The following LYN variants were observed in gnomAD, a reference collection of about 807,000 sequenced individuals.
The protein encoded by LYN is LYN proto-oncogene, Src family tyrosine kinase, also known as tyrosine-protein kinase Lyn.
In LYN, 12 loss-of-function variants were observed where a neutral mutation model predicts 65.0. The ratio of observed to expected loss-of-function variants is 0.18; its 90% confidence interval spans 0.12 to 0.30. The LOEUF (loss-of-function observed/expected upper bound fraction) is 0.30, where lower values mean the gene tolerates loss of function less well. LYN is among the 10% of genes least tolerant of loss of function. The pLI is 1.00. For synonymous variants in LYN, 222 were observed against 221.2 expected, an observed-to-expected ratio of 1.00 and a Z score of -0.03; for missense variants, 380 against 623.2, an observed-to-expected ratio of 0.61 and a Z score of 4.16.
intron 1 of LYN, among the ~76,000 whole-genome samples, chr8:55,911,363 C>G (rs1384375380): frequency 7.2e-6 from 1 of 138,390 alleles, no homozygotes; most frequent in Non-Finnish European, 1.5e-5. Flanking sequence ...CTCAAGTGAT[C>G]TGCCCACCTT....
chr8:55,909,269 A>G (rs1216341462), intron 1 of LYN, among the ~76,000 whole-genome samples: 1 of 152,012 alleles, frequency 6.6e-6, no homozygotes, highest in Non-Finnish European at 1.5e-5. Flanking sequence ...CCTGTTTCCC[A>G]GGAGGAGGGC....
intron 1 of LYN, among the ~76,000 whole-genome samples, chr8:55,890,903 AT>A (rs1804941107): frequency 6.6e-6 from 1 of 151,544 alleles, no homozygotes; most frequent in Non-Finnish European, 1.5e-5. Context: ...AGTTTTTTGT[AT>A]TTTTTGTAGA....
At chr8:55,983,073 C>T (rs868797276) in intron 10 of LYN, among the ~76,000 whole-genome samples, 14 of 152,230 alleles carry the variant, frequency 9.2e-5, no homozygotes, top group Middle Eastern at 3.4e-3. Flanking sequence ...CCCTCATGTC[C>T]ACACAACAGC....
At chr8:55,958,664 C>G (rs1319465622) in intron 8 of LYN, among the ~76,000 whole-genome samples, 3 of 152,202 alleles carry the variant, frequency 2.0e-5, no homozygotes, top group Non-Finnish European at 4.4e-5. Flanking sequence ...CTTTCTGTCT[C>G]TATGAATTTG....
chr8:55,946,195 G>A (rs1199089429), intron 2 of LYN, among the ~76,000 whole-genome samples: 1 of 152,184 alleles, frequency 6.6e-6, no homozygotes, highest in Admixed American at 6.5e-5. Flanking sequence ...CTAGGATGAG[G>A]TGAGCACCTG....
At chr8:55,912,540 A>G (rs1805666389) in intron 1 of LYN, among the ~76,000 whole-genome samples, 1 of 152,180 alleles carries the variant, frequency 6.6e-6, no homozygotes, top group African/African-American at 2.4e-5. Flanking sequence ...AGCCTGGCCA[A>G]CGTGGCGAAA....
chr8:55,909,734 C>T (rs1563505292), intron 1 of LYN, among the ~76,000 whole-genome samples: 1 of 152,118 alleles, frequency 6.6e-6, no homozygotes. Context: ...ATAAGCATTG[C>T]CTTTTGTCTG....
chr8:55,897,428 T>C (rs1554574247), intron 1 of LYN, among the ~76,000 whole-genome samples: 1 of 152,118 alleles, frequency 6.6e-6, no homozygotes, highest in Non-Finnish European at 1.5e-5. Context: ...ACTTTGCACA[T>C]GGTGGTTTCG....
intron 1 of LYN, among the ~76,000 whole-genome samples, chr8:55,939,676 C>T (rs939421215): frequency 6.6e-6 from 1 of 152,178 alleles, no homozygotes; most frequent in Non-Finnish European, 1.5e-5. Context: ...CCGGAGCTCG[C>T]GGCGTGCGCA....
chr8:55,946,558 T>C (rs1806784428), intron 3 of LYN, 65 bp downstream of exon 3: 2 of 992,820 alleles, frequency 2.0e-6, no homozygotes, highest in African/African-American at 3.3e-5. Flanking sequence ...TATAAAGTGA[T>C]TGTCCTAAAT....
At chr8:55,971,254 C>T (rs1008567735) in intron 10 of LYN, among the ~76,000 whole-genome samples, 1 of 152,172 alleles carries the variant, frequency 6.6e-6, no homozygotes, top group Non-Finnish European at 1.5e-5. Flanking sequence ...TATGCTGGCC[C>T]CTGGGAGGCT....
chr8:55,920,433 A>C (rs960145150), intron 1 of LYN, among the ~76,000 whole-genome samples: 1 of 152,180 alleles, frequency 6.6e-6, no homozygotes, highest in Non-Finnish European at 1.5e-5. Context: ...GTTTTGGAGG[A>C]CGGGGGCGGA....
intron 1 of LYN, among the ~76,000 whole-genome samples, chr8:55,921,481 T>C (rs913182538): frequency 8.9e-4 from 136 of 152,196 alleles, no homozygotes; most frequent in African/African-American, 3.0e-3. Flanking sequence ...ATAAGAGATG[T>C]CCTGGGGCTT....
intron 10 of LYN, among the ~76,000 whole-genome samples, chr8:55,989,757 C>T (rs1432574669): frequency 6.6e-6 from 1 of 152,182 alleles, no homozygotes; most frequent in Non-Finnish European, 1.5e-5. Flanking sequence ...ATGACACAGC[C>T]ACCAGAGATC....
At chr8:55,984,087 C>A (rs1328138080) in intron 10 of LYN, among the ~76,000 whole-genome samples, 1 of 152,156 alleles carries the variant, frequency 6.6e-6, no homozygotes, top group Non-Finnish European at 1.5e-5. Context: ...GGCCTCTGAC[C>A]TTCCTCTGCC....
intron 1 of LYN, among the ~76,000 whole-genome samples, chr8:55,882,668 C>T (rs143597909): frequency 6.6e-6 from 1 of 152,172 alleles, no homozygotes; most frequent in Non-Finnish European, 1.5e-5. Flanking sequence ...CTGGCTCTTC[C>T]TAGTGATGAT....
rs114496048 is a variant in LYN, at chr8:56,005,486, C to A, written c.1337-4422C>A. On this transcript the variant is annotated intron_variant, in intron 12 of 12. Coordinates refer to ENST00000519728, the MANE Select transcript of LYN (RefSeq NM_002350.4). The stretch of plus-strand genomic sequence containing the variant: ...TCCCTCCCTCATGGTATATGCTGAC[C>A]ACACAGTGTGTGCCTTCCTGGGCTG... 6.5e-3 allele frequency among the ~76,000 whole-genome samples: 988 copies of A among 152,318 alleles called. 11 individuals are homozygous for A. Among genetic ancestry groups the A allele is most frequent in the African/African-American group, 0.023 (945 of 41,580 alleles).
chr8:55,891,622 T>C (rs967019956), intron 1 of LYN, among the ~76,000 whole-genome samples: 4 of 152,134 alleles, frequency 2.6e-5, no homozygotes, highest in Non-Finnish European at 5.9e-5. Context: ...GATGGTGTGA[T>C]GGTTATACAA....
intron 4 of LYN, among the ~76,000 whole-genome samples, chr8:55,949,789 A>C (rs922995831): frequency 1.3e-5 from 2 of 152,112 alleles, no homozygotes; most frequent in African/African-American, 4.8e-5. Flanking sequence ...AATACCATAC[A>C]ATCCATCTAC....
Sources: gnomAD v4.1 joint callset for allele counts (sites outside exome capture counted in the v4.1 genomes callset) on GRCh38, gnomAD v4.1.1 for gene constraint, MANE v1.5 for transcripts, NCBI Gene and HGNC (gene_info 2026-07-23, HGNC 2026-07-21) for gene names.